The following ADGRL3 variants were observed in gnomAD, a reference collection of about 807,000 sequenced individuals.
ADGRL3 encodes adhesion G protein-coupled receptor L3.
ADGRL3 carries 62 observed loss-of-function variants against 153.5 expected under a neutral mutation model. The ratio of observed to expected loss-of-function variants is 0.40; its 90% CI spans 0.33 to 0.50. The LOEUF (loss-of-function observed/expected upper bound fraction) is 0.50, where lower values mean the gene tolerates loss of function less well. Among genes scored for constraint, ADGRL3 ranks in the 20% least tolerant of loss-of-function variants. ADGRL3 has a pLI of 0.47. For missense variants in ADGRL3, 1,641 were observed against 1,859.4 expected (o/e 0.88, Z 2.16); for synonymous variants, 710 against 672.5 (o/e 1.06, Z -0.86).
In ADGRL3 at chr4:61,831,412, A is replaced by T. The variant is rs1000412181; in HGVS notation, c.1480+17523A>T. Among the ~76,000 whole-genome samples, 7 of 41,428 alleles carry T rather than the reference A, an allele frequency of 1.7e-4. No homozygotes were observed. In the East Asian group the frequency reaches 0.01, roughly 61 times the overall value. The allele number at this position is 41,428 out of a possible 152,430, so 27.2% of individuals were successfully genotyped here. Reference sequence around the variant, plus strand: ...ATGAAGAAAGGAAAAGATGCTAAGTAAAAAAAAAAAAAAAAAAAAAAAAAA... The same window carrying T: ...ATGAAGAAAGGAAAAGATGCTAAGTTAAAAAAAAAAAAAAAAAAAAAAAAA... On this transcript the variant is annotated intron_variant, in intron 9 of 26. Coordinates refer to ENST00000683033, the MANE Select transcript of ADGRL3 (RefSeq NM_001387552.1).
chr4:61,358,596 C>CAACAA (rs761414669), intron 1 of ADGRL3, among the ~76,000 whole-genome samples: 9 of 96,862 alleles, frequency 9.3e-5, no homozygotes, highest in African/African-American at 3.5e-4. Context: ...GACTCCGTCT[C>CAACAA]AAAAAAAAAA....
chr4:61,961,258 T>G (rs2150490936), intron 17 of ADGRL3, among the ~76,000 whole-genome samples: 1 of 152,268 alleles, frequency 6.6e-6, no homozygotes, highest in African/African-American at 2.4e-5. Context: ...CCTTGCCCAC[T>G]TGCTTTCCCT....
chr4:61,728,344 A>G (rs926965212), intron 6 of ADGRL3, among the ~76,000 whole-genome samples: 3 of 152,102 alleles, frequency 2.0e-5, no homozygotes, highest in South Asian at 2.1e-4. Flanking sequence ...GATATTAAAC[A>G]GGACCAGAGA....
At chr4:61,226,890 A>G (rs181075898) in intron 1 of ADGRL3, among the ~76,000 whole-genome samples, 60 of 152,314 alleles carry the variant, frequency 3.9e-4, no homozygotes, top group Admixed American at 2.0e-3. Context: ...GAATGCCATT[A>G]TCCTCATAAA....
intron 2 of ADGRL3, among the ~76,000 whole-genome samples, chr4:61,432,802 A>C (rs1490372334): frequency 6.6e-6 from 1 of 150,564 alleles, no homozygotes; most frequent in East Asian, 2.0e-4. Flanking sequence ...TATAGGCATG[A>C]GCCACCACGC....
Position 61,497,105 on chromosome 4 carries a change from T to C in ADGRL3, c.-173-16T>C. 1 of 552,436 alleles carries C rather than the reference T, an allele frequency of 1.8e-6. No homozygotes were observed. The allele number at this position is 552,436 out of a possible 1,614,324, so 34.2% of individuals were successfully genotyped here. On this transcript the variant is annotated splice_polypyrimidine_tract_variant and intron_variant, in intron 2 of 26. Coordinates refer to ENST00000683033, the MANE Select transcript of ADGRL3 (RefSeq NM_001387552.1). ...CTTATTTTATACAATAACCCTTTTT[T>C]TTTTCTTTTTTGCAGGTTTCAGATT...
intron 2 of ADGRL3, among the ~76,000 whole-genome samples, chr4:61,419,747 C>T (rs1351611196): frequency 2.0e-5 from 3 of 151,644 alleles, no homozygotes; most frequent in African/African-American, 7.3e-5. Context: ...GTTATTTTCA[C>T]AGATTTAAAC....
chr4:61,610,251 T>A (rs1042330674), intron 5 of ADGRL3, among the ~76,000 whole-genome samples: 3 of 152,016 alleles, frequency 2.0e-5, no homozygotes, highest in African/African-American at 7.2e-5. Flanking sequence ...ACCTAGCACC[T>A]TTCTTCCAGT....
chr4:61,924,444 C>A (rs2098785514), intron 13 of ADGRL3, among the ~76,000 whole-genome samples: 2 of 152,162 alleles, frequency 1.3e-5, no homozygotes, highest in East Asian at 1.9e-4. Context: ...TGGCACAAAC[C>A]ATTCTCCTGA....
At chr4:61,910,568 C>T (rs2098717485) in intron 12 of ADGRL3, among the ~76,000 whole-genome samples, 2 of 151,524 alleles carry the variant, frequency 1.3e-5, no homozygotes, top group Admixed American at 1.3e-4. Context: ...GCATAGCTAC[C>T]TTCAAATGAC....
intron 2 of ADGRL3, among the ~76,000 whole-genome samples, chr4:61,466,438 C>T (rs1273081870): frequency 1.3e-5 from 2 of 152,302 alleles, no homozygotes; most frequent in Admixed American, 6.5e-5. Flanking sequence ...AATGTTCATT[C>T]TATAATTCCA....
intron 13 of ADGRL3, among the ~76,000 whole-genome samples, chr4:61,926,346 T>C (rs929003722): frequency 1.3e-5 from 2 of 152,314 alleles, no homozygotes. Context: ...ACCCACTACC[T>C]TTACCTTTTG....
At chr4:61,713,294 GTATGTT>G (rs2096038278) in intron 6 of ADGRL3, among the ~76,000 whole-genome samples, 1 of 151,698 alleles carries the variant, frequency 6.6e-6, no homozygotes, top group Non-Finnish European at 1.5e-5. Context: ...TTTTTTTCCT[GTATGTT>G]CTTTCTCCAT....
At chr4:61,263,522 C>G (rs774587138) in intron 1 of ADGRL3, among the ~76,000 whole-genome samples, 1 of 150,710 alleles carries the variant, frequency 6.6e-6, no homozygotes, top group Non-Finnish European at 1.5e-5. Flanking sequence ...ATAATTCTAG[C>G]GTTTCATTTT....
At chr4:61,454,395 C>G (rs1036513720) in intron 2 of ADGRL3, among the ~76,000 whole-genome samples, 69 of 152,174 alleles carry the variant, frequency 4.5e-4, no homozygotes, top group African/African-American at 1.6e-3. Context: ...TATAACACAA[C>G]TGTTTTGCAT....
chr4:61,245,078 G>A (rs1201712776), intron 1 of ADGRL3, among the ~76,000 whole-genome samples: 1 of 151,986 alleles, frequency 6.6e-6, no homozygotes, highest in Non-Finnish European at 1.5e-5. Context: ...TGAGGAGACA[G>A]CATCTTGTGC....
chr4:61,826,251 A>G (rs900212179), intron 9 of ADGRL3, among the ~76,000 whole-genome samples: 2 of 152,184 alleles, frequency 1.3e-5, no homozygotes, highest in Non-Finnish European at 1.5e-5. Context: ...AGCATGAAGA[A>G]TGAAAGTGAG....
At chr4:61,875,779 C>T (rs1482393813) in intron 9 of ADGRL3, among the ~76,000 whole-genome samples, 1 of 152,132 alleles carries the variant, frequency 6.6e-6, no homozygotes, top group African/African-American at 2.4e-5. Context: ...TTGATTTGTA[C>T]TGTAAGGCAT....
At chr4:62,063,526 T>G in intron 25 of ADGRL3, 3 of 695,766 alleles carry the variant, frequency 4.3e-6, no homozygotes, top group Non-Finnish European at 7.9e-6. Context: ...AATCATCTTA[T>G]AAGCAATGCT....
Sources: allele counts gnomAD v4.1 joint callset (sites outside exome capture counted in the v4.1 genomes callset), GRCh38; gene constraint gnomAD v4.1.1; transcripts MANE v1.5; gene names NCBI Gene and HGNC (gene_info 2026-07-23, HGNC 2026-07-21).